PLEKHH3: variants seen among roughly 807,000 people sequenced by gnomAD.
PLEKHH3 encodes the protein pleckstrin homology domain-containing family H member 3.
PLEKHH3 carries 57 observed loss-of-function variants against 77.8 expected under a neutral mutation model. That is an observed-to-expected ratio of 0.73 (90% CI 0.59 to 0.91). The LOEUF is 0.91. PLEKHH3 is among the 40% of genes least tolerant of loss of function. PLEKHH3 has a pLI of 0.00. For missense variants in PLEKHH3, 1,082 were observed against 1,091.2 expected (o/e 0.99, Z 0.12); for synonymous variants, 467 against 504.8 (o/e 0.93, Z 1.00).
Position 42,668,226 on chromosome 17 carries a change from A to G in PLEKHH3, c.2283T>C (p.Pro761=). Residue 761 remains proline, a synonymous_variant, in exon 13 of 13, where the codon CCT becomes CCC. Transcript: ENST00000591022. ...AGGTGTCTGGCAGGTCTTGGCATGG[A>G]GGAGAAGAGCTGCTGCAGGGCCTCT... The part of the protein sequence containing the change: ...SPERPCSSSS[P]PCQDLPDTSP... The G allele has an allele frequency of 6.4e-7, 1 of 1,558,986 alleles. No homozygotes were observed. The highest frequency in any genetic ancestry group is 1.2e-5 in the South Asian group (1 of 83,746).
At position 42,676,312 on chromosome 17, in the gene PLEKHH3, C is replaced by A; in HGVS notation, c.162+90G>T. ...CCTCATCCCTAGTTCGCCAAGCGCG[C>A]AGCGTGTGGCTGGAGGCTGGAGCGG... On this transcript the variant is annotated intron_variant, in intron 1 of 12. Coordinates refer to ENST00000591022, the MANE Select transcript of PLEKHH3 (RefSeq NM_024927.5). This position sits in a 1 kb window ranked among gnomAD's most constrained non-coding sequence, Gnocchi z 6.6. The A allele has an allele frequency of 6.4e-7, 1 of 1,565,172 alleles. No homozygotes were observed.
Position 42,669,534 on chromosome 17 carries a change from T to TGG in PLEKHH3, c.2099_2100dup (p.Ile701ProfsTer15). 6.2e-7 allele frequency: 1 copy of TGG among 1,611,780 alleles called. No individual in the cohort carries two copies. Among genetic ancestry groups the TGG allele is most frequent in the Non-Finnish European group, 8.5e-7 (1 of 1,178,862 alleles). ...ACATGGCCATAGCTGACACTGTGGA[T>TGG]GGGCTCCGTCTCCCCTGGCCGGGAG... On this transcript the variant is annotated frameshift_variant, in exon 12 of 13. Coordinates refer to ENST00000591022, the MANE Select transcript of PLEKHH3 (RefSeq NM_024927.5). LOFTEE classifies it high-confidence loss of function.
In PLEKHH3 at chr17:42,676,113, G is replaced by A. The variant is rs1478980297; in HGVS notation, c.162+289C>T. 37 of 1,270,072 alleles carry A rather than the reference G, an allele frequency of 2.9e-5. No individual in the cohort carries two copies. The highest frequency in any genetic ancestry group is 3.3e-5 in the Non-Finnish European group (33 of 1,006,852). 78.7% of individuals were successfully genotyped at this position (1,270,072 alleles called of 1,614,324 possible). A position where few individuals can be genotyped will look rare whatever the true frequency, so the allele number is the denominator to read the frequency against. On this transcript the variant is annotated intron_variant, in intron 1 of 12. Coordinates refer to ENST00000591022, the MANE Select transcript of PLEKHH3 (RefSeq NM_024927.5). This position sits in a 1 kb window ranked among gnomAD's most constrained non-coding sequence, Gnocchi z 6.6. ...GGAGACGGGATGGGACGCGGGCCCA[G>A]CGGGGAAGGGAGAGGCAGGGCCAGG...
intron 11 of PLEKHH3, 128 bp from the exon 12 acceptor site, chr17:42,669,749 G>A (rs1367898608): frequency 6.8e-7 from 1 of 1,464,608 alleles, no homozygotes; most frequent in South Asian, 1.3e-5. Context: ...TGTGGAGGGG[G>A]CTGAGGCTCC....
intron 1 of PLEKHH3, among the ~76,000 whole-genome samples, chr17:42,675,046 A>C (rs1276085105): frequency 6.6e-6 from 1 of 151,984 alleles, no homozygotes; most frequent in Non-Finnish European, 1.5e-5. Context: ...GGCGGGCCAG[A>C]CTGAGGAATG....
intron 2 of PLEKHH3, 45 bp from the exon 3 acceptor site, chr17:42,674,058 G>A (rs2052767077): frequency 1.3e-6 from 2 of 1,592,934 alleles, no homozygotes; most frequent in African/African-American, 2.7e-5. Flanking sequence ...TCTGCCTCTA[G>A]GGGGCTCCTC....
intron 1 of PLEKHH3, 113 bp from the exon 2 acceptor site, chr17:42,674,522 A>T: frequency 1.0e-6 from 1 of 953,142 alleles, no homozygotes; most frequent in Non-Finnish European, 1.5e-6. Context: ...GGAGTCACAG[A>T]GTGGGGTCGT....
At chr17:42,668,342 C>A in intron 12 of PLEKHH3, 39 bp from the exon 13 acceptor site, 1 of 1,466,070 alleles carries the variant, frequency 6.8e-7, no homozygotes, top group South Asian at 1.5e-5. Flanking sequence ...CAGGGGCTGC[C>A]AGGTTCTCTT....
chr17:42,674,656 A>G, intron 1 of PLEKHH3: 1 of 396,772 alleles, frequency 2.5e-6, no homozygotes, highest in Non-Finnish European at 4.4e-6. Flanking sequence ...TTGAAAATAC[A>G]ATCAGGGGTA....
At position 42,676,409 on chromosome 17, in the gene PLEKHH3, C is replaced by T. The variant is rs145349956; in HGVS notation, c.155G>A (p.Gly52Asp). The T allele has an allele frequency of 5.3e-5, 86 of 1,613,106 alleles. No individual in the cohort carries two copies. Among genetic ancestry groups the T allele is most frequent in the Non-Finnish European group, 7.2e-5 (85 of 1,179,942 alleles). ...FELRTPSPAGGGRGPLEVTLT... is the reference protein window; with the variant it reads ...FELRTPSPAGDGRGPLEVTLT... ...CGAACCCCCGGGACTTACCCTCCCG[C>T]CGCCCGCTGGACTCGGGGTCCGCAG... is the stretch of plus-strand genomic sequence containing the variant. The change falls in exon 1 of 13, where the codon GGC (glycine) becomes GAC (aspartate). Residue 52 changes from glycine (G) to aspartate (D), a missense_variant. Physicochemically the swap from Gly to Asp is moderately conservative, Grantham distance 94. Coordinates refer to ENST00000591022, the MANE Select transcript of PLEKHH3 (RefSeq NM_024927.5). This position sits in a 1 kb window ranked among gnomAD's most constrained non-coding sequence, Gnocchi z 6.6.
rs191710944 is a variant in PLEKHH3, at chr17:42,675,772, A to G, written c.162+630T>C. On this transcript the variant is annotated intron_variant, in intron 1 of 12. Coordinates refer to ENST00000591022, the MANE Select transcript of PLEKHH3 (RefSeq NM_024927.5). ...TTTCCCCACGGGGAGATTCGACAAA[A>G]CCAGGCAGCAGCCCAGTGTCCCTCA... 8.1e-5 allele frequency: 59 copies of G among 731,440 alleles called. No individual in the cohort carries two copies. The African/African-American group carries it at 1.1e-3, about 13-fold the overall frequency. 45.3% of individuals were successfully genotyped at this position (731,440 alleles called of 1,614,324 possible).
At chr17:42,670,418 G>C in intron 10 of PLEKHH3, 42 bp from the exon 11 acceptor site, 1 of 1,462,502 alleles carries the variant, frequency 6.8e-7, no homozygotes, top group African/African-American at 1.4e-5. Flanking sequence ...AGCGGCGGCG[G>C]AACCGTCGCG....
rs763059132 is a variant in PLEKHH3 at position 42,670,557 on chromosome 17, C to G, written c.1554+16G>C. 3.1e-6 allele frequency: 5 copies of G among 1,599,824 alleles called. No homozygotes were observed. Among genetic ancestry groups the G allele is most frequent in the Non-Finnish European group, 4.3e-6 (5 of 1,169,768 alleles). ...TTGGGGGTCTGTTTGGAGGCGTGAA[C>G]GCCGGAGAGCCTCACCTGCTCAAAG... On this transcript the variant is annotated intron_variant, in intron 10 of 12. Coordinates refer to ENST00000591022, the MANE Select transcript of PLEKHH3 (RefSeq NM_024927.5).
At chr17:42,674,257 C>T (rs1056153162) in intron 2 of PLEKHH3, 97 bp downstream of exon 2, 2 of 1,400,130 alleles carry the variant, frequency 1.4e-6, no homozygotes, top group African/African-American at 2.9e-5. Flanking sequence ...CATAGGGCCT[C>T]TCCCTTATTG....
intron 9 of PLEKHH3, 93 bp from the exon 10 acceptor site, chr17:42,670,798 G>C: frequency 6.6e-7 from 1 of 1,525,298 alleles, no homozygotes; most frequent in Non-Finnish European, 8.9e-7. Flanking sequence ...TGTTTGGGGC[G>C]GGGCCTGGGC....
At position 42,671,198 on chromosome 17, in the gene PLEKHH3, T is replaced by C. The variant is rs1376489309; in HGVS notation, c.1285-68A>G. 12 of 1,527,472 alleles carry C rather than the reference T, an allele frequency of 7.9e-6. No homozygotes were observed. Among genetic ancestry groups the C allele is most frequent in the Admixed American group, 2.0e-5 (1 of 49,036 alleles). 94.6% of individuals were successfully genotyped at this position (1,527,472 alleles called of 1,614,324 possible). A position where few individuals can be genotyped will look rare whatever the true frequency, so the allele number is the denominator to read the frequency against. On this transcript the variant is annotated intron_variant, in intron 8 of 12. Coordinates refer to ENST00000591022, the MANE Select transcript of PLEKHH3 (RefSeq NM_024927.5). The surrounding 1 kb of genome is among the most constrained non-coding windows in gnomAD (Gnocchi z 4.7). ...AGGATTCTGGGAGGGGTTGATTCAA[T>C]TGGAAGGGGTCTCTTAGTCCTGTCA...
At chr17:42,675,156 C>T (rs1454107205) in intron 1 of PLEKHH3, among the ~76,000 whole-genome samples, 1 of 152,112 alleles carries the variant, frequency 6.6e-6, no homozygotes, top group African/African-American at 2.4e-5. Flanking sequence ...AGACTGGGGT[C>T]TGAGAGAGGC....
Position 42,671,259 on chromosome 17 carries a change from C to T in PLEKHH3, c.1284+92G>A, listed in dbSNP as rs1233422794. 1 of 1,537,898 alleles carries T rather than the reference C, an allele frequency of 6.5e-7. No homozygotes were observed. The highest frequency in any genetic ancestry group is 1.2e-5 in the South Asian group (1 of 82,330). ...CTCCCTTACCAAAATAATCTAGACT[C>T]GGGGCAAACCTAGGGTCCAGGAAGA... On this transcript the variant is annotated intron_variant, in intron 8 of 12. Coordinates refer to ENST00000591022, the MANE Select transcript of PLEKHH3 (RefSeq NM_024927.5). This position sits in a 1 kb window ranked among gnomAD's most constrained non-coding sequence, Gnocchi z 4.7.
At chr17:42,675,040 G>A (rs534746129) in intron 1 of PLEKHH3, among the ~76,000 whole-genome samples, 3 of 148,202 alleles carry the variant, frequency 2.0e-5, no homozygotes, top group African/African-American at 8.0e-5. Context: ...AGGAAGGGCG[G>A]GCCAGACTGA....
Sources: gnomAD v4.1 joint callset for allele counts (sites outside exome capture counted in the v4.1 genomes callset) on GRCh38, gnomAD v4.1.1 for gene constraint, Gnocchi (gnomAD v3.1) non-coding constraint, MANE v1.5 for transcripts, NCBI Gene and HGNC (gene_info 2026-07-23, HGNC 2026-07-21) for gene names.